Variants in FOXN3 observed in about 807,000 individuals in gnomAD.
FOXN3 encodes the protein forkhead box protein N3.
Under a neutral mutation model 38.4 loss-of-function variants are expected in FOXN3, and 7 were observed. That is an observed-to-expected ratio of 0.18 (90% CI 0.10 to 0.34). FOXN3 has a LOEUF of 0.34. Among genes scored for constraint, FOXN3 ranks in the 10% least tolerant of loss-of-function variants. The pLI is 1.00. For missense variants in FOXN3, 456 were observed against 613.4 expected (o/e 0.74, Z 2.71); for synonymous variants, 230 against 242.2 (o/e 0.95, Z 0.47).
chr14:89,407,410 C>T (rs1196589558), intron 2 of FOXN3, among the ~76,000 whole-genome samples: 1 of 152,220 alleles, frequency 6.6e-6, no homozygotes, highest in Non-Finnish European at 1.5e-5. Context: ...ATGGACCTGG[C>T]ATTAGGCAAC....
At chr14:89,170,230 G>C (rs923099699) in intron 5 of FOXN3, among the ~76,000 whole-genome samples, 1 of 152,174 alleles carries the variant, frequency 6.6e-6, no homozygotes, top group African/African-American at 2.4e-5. Context: ...AAAATTGAAA[G>C]AGGTACAAGA....
rs540822040 is a variant in FOXN3 at position 89,472,485 on chromosome 14, C to A, written c.-14-59995G>T. ...CCTGTAATCCCAGCACTTTGGGAGGCCAAGGCGGGCAGATCACGAGGTCAG... is the reference window on the plus strand; with the variant it reads ...CCTGTAATCCCAGCACTTTGGGAGGACAAGGCGGGCAGATCACGAGGTCAG... On this transcript the variant is annotated intron_variant, in intron 1 of 6. Coordinates refer to the FOXN3 transcript ENST00000345097. Among the ~76,000 whole-genome samples the A allele has an allele frequency of 2.6e-5, 4 of 152,006 alleles. No individual in the cohort carries two copies. In the East Asian group the frequency reaches 7.8e-4, roughly 29 times the overall value.
rs201825154 is a variant in FOXN3, at chr14:89,454,618, GT to G, written c.-14-42129del. Among the ~76,000 whole-genome samples the G allele has an allele frequency of 4.1e-3, 628 of 152,278 alleles. 7 individuals carry two copies. The highest frequency in any genetic ancestry group is 0.026 in the Admixed American group (404 of 15,300). On this transcript the variant is annotated intron_variant, in intron 1 of 6. Transcript: ENST00000345097. ...GAAAAACCGGAATAAACTTGTTCTG[GT>G]GAATGAGGGATCATTAGCTAAATCC...
intron 2 of FOXN3, among the ~76,000 whole-genome samples, chr14:89,363,321 C>T (rs920029443): frequency 3.3e-5 from 5 of 152,212 alleles, no homozygotes; most frequent in Admixed American, 1.3e-4. Context: ...TTCCCAGGGT[C>T]ATGTGTCTCT....
At chr14:89,340,431 T>A (rs953311202) in intron 3 of FOXN3, among the ~76,000 whole-genome samples, 1 of 152,180 alleles carries the variant, frequency 6.6e-6, no homozygotes, top group African/African-American at 2.4e-5. Flanking sequence ...TCCAGATGAT[T>A]TAAAAATCAG....
In FOXN3 at chr14:89,161,588, T is replaced by TGCGCGTGC. The variant is rs1555407807; in HGVS notation, c.*825_*826insGCACGCGC. The TGCGCGTGC allele has an allele frequency of 6.9e-6, 1 of 144,864 alleles. No homozygotes were observed. Among genetic ancestry groups the TGCGCGTGC allele is most frequent in the Non-Finnish European group, 1.5e-5 (1 of 65,124 alleles). The allele number at this position is 144,864 out of a possible 1,614,324, so 9.0% of individuals were successfully genotyped here. A position where few individuals can be genotyped will look rare whatever the true frequency, so the allele number is the denominator to read the frequency against. On this transcript the variant is annotated 3_prime_UTR_variant, in exon 6 of 6. Coordinates refer to ENST00000557258, the MANE Select transcript of FOXN3 (RefSeq NM_005197.4). ...GTGTGTGTGTGTGTGTGTGTGTGTG[T>TGCGCGTGC]GTGTGTGTGCGTGCGTGCACAGGGC...
intron 1 of FOXN3, among the ~76,000 whole-genome samples, chr14:89,579,772 T>G (rs565823674): frequency 2.0e-5 from 3 of 152,066 alleles, no homozygotes; most frequent in Non-Finnish European, 4.4e-5. Flanking sequence ...TTCTTTGTCA[T>G]TTTTTTTACC....
At chr14:89,188,699 C>T (rs971251130) in intron 4 of FOXN3, among the ~76,000 whole-genome samples, 2 of 152,242 alleles carry the variant, frequency 1.3e-5, no homozygotes, top group African/African-American at 2.4e-5. Flanking sequence ...GGAAGGTGCT[C>T]GAATCTTACA....
At position 89,227,214 on chromosome 14, in the gene FOXN3, G is replaced by T. The variant is rs896197267; in HGVS notation, c.746-46408C>A. On this transcript the variant is annotated intron_variant, in intron 4 of 5. Coordinates refer to ENST00000557258, the MANE Select transcript of FOXN3 (RefSeq NM_005197.4). ...GCTGGTACCCCTCAGCACCCATGAA[G>T]GAGGAATTTTAAGCTGTTCTGGGGT... Among the ~76,000 whole-genome samples, 5 of 152,124 alleles carry T rather than the reference G, an allele frequency of 3.3e-5. No individual in the cohort carries two copies. In the South Asian group the frequency reaches 6.2e-4, roughly 19 times the overall value.
intron 2 of FOXN3, among the ~76,000 whole-genome samples, chr14:89,355,808 T>C (rs757294128): frequency 5.9e-5 from 9 of 152,120 alleles, no homozygotes; most frequent in Non-Finnish European, 1.3e-4. Context: ...TCTAGGACAG[T>C]AGTGTCTGGT....
At chr14:89,290,267 T>C (rs1886828388) in intron 3 of FOXN3, 2 of 324,574 alleles carry the variant, frequency 6.2e-6, no homozygotes, top group South Asian at 5.6e-5. Context: ...TTCTCTGTCA[T>C]TACCACCCTG....
chr14:89,394,212 C>CT (rs35674375), intron 2 of FOXN3, among the ~76,000 whole-genome samples: 16,708 of 109,536 alleles, frequency 0.15, 2,101 homozygotes, highest in East Asian at 0.33. Context: ...GATCGACGTT[C>CT]TTTTTTTTTT....
At chr14:89,416,171 G>C (rs1485976114) in intron 1 of FOXN3, among the ~76,000 whole-genome samples, 1 of 152,186 alleles carries the variant, frequency 6.6e-6, no homozygotes, top group African/African-American at 2.4e-5. Context: ...TACTGTACTT[G>C]TCAAAAACAT....
At chr14:89,371,142 A>G (rs889404267) in intron 2 of FOXN3, among the ~76,000 whole-genome samples, 1 of 152,114 alleles carries the variant, frequency 6.6e-6, no homozygotes, top group African/African-American at 2.4e-5. Flanking sequence ...TCTGAACAGT[A>G]GCACCCAAGA....
chr14:89,253,277 G>C (rs1885517396), intron 4 of FOXN3, among the ~76,000 whole-genome samples: 1 of 152,254 alleles, frequency 6.6e-6, no homozygotes, highest in South Asian at 2.1e-4. Context: ...GCCTCTGGCA[G>C]GGATCTGGCA....
chr14:89,424,108 C>A (rs1891973538), intron 1 of FOXN3, among the ~76,000 whole-genome samples: 1 of 152,212 alleles, frequency 6.6e-6, no homozygotes, highest in Non-Finnish European at 1.5e-5. Flanking sequence ...ATCACAAAAA[C>A]TTGGAAATTG....
intron 2 of FOXN3, among the ~76,000 whole-genome samples, chr14:89,378,199 A>ATAT (rs1419691002): frequency 1.3e-5 from 2 of 152,230 alleles, no homozygotes; most frequent in Non-Finnish European, 2.9e-5. Context: ...TACCTTGTGC[A>ATAT]TATTATCCAT....
intron 2 of FOXN3, among the ~76,000 whole-genome samples, chr14:89,389,144 G>T (rs183607689): frequency 6.6e-6 from 1 of 152,102 alleles, no homozygotes; most frequent in East Asian, 1.9e-4. Flanking sequence ...GGCCCGTTTG[G>T]GAGGAATTTG....
intron 3 of FOXN3, among the ~76,000 whole-genome samples, chr14:89,283,996 G>C (rs1466214219): frequency 6.6e-6 from 1 of 152,076 alleles, no homozygotes; most frequent in East Asian, 1.9e-4. Flanking sequence ...GGGTAGCTGG[G>C]ATTACAGGCA....
Sources: gnomAD v4.1 joint callset for allele counts (sites outside exome capture counted in the v4.1 genomes callset) on GRCh38, gnomAD v4.1.1 for gene constraint, MANE v1.5 for transcripts, NCBI Gene and HGNC (gene_info 2026-07-23, HGNC 2026-07-21) for gene names.